Variants in DCAF10 observed in about 807,000 individuals in gnomAD.
DCAF10 encodes DDB1 and CUL4 associated factor 10.
In DCAF10, 19 loss-of-function variants were observed where a neutral mutation model predicts 51.9. The observed-to-expected ratio is 0.37, with a 90% CI of 0.26 to 0.54. DCAF10 has a LOEUF of 0.54. DCAF10 is among the 20% of genes least tolerant of loss of function. DCAF10 has a pLI of 0.87. For missense variants in DCAF10, 510 were observed against 730.6 expected (o/e 0.70, Z 3.48); for synonymous variants, 291 against 297.1 (o/e 0.98, Z 0.21).
chr9:37,865,457 TAA>T lies in DCAF10; in HGVS notation c.*3950_*3951del, dbSNP rs983440719. On this transcript the variant is annotated 3_prime_UTR_variant, in exon 7 of 7. Coordinates refer to ENST00000377724, the MANE Select transcript of DCAF10 (RefSeq NM_024345.5). ...TAACATTTCAAAGCCCCATTTCACT[TAA>T]GAGTAAAATCTAATCTGATGTTTTT... The T allele has an allele frequency of 1.3e-5, 2 of 152,346 alleles. No individual in the cohort carries two copies. The highest frequency in any genetic ancestry group is 4.8e-5 in the African/African-American group (2 of 41,590). 9.4% of individuals were successfully genotyped at this position (152,346 alleles called of 1,614,324 possible).
intron 2 of DCAF10, among the ~76,000 whole-genome samples, chr9:37,822,000 A>G (rs1829716978): frequency 1.3e-5 from 2 of 152,240 alleles, no homozygotes; most frequent in African/African-American, 4.8e-5. Context: ...CATATGACCA[A>G]CAAACATATG....
intron 2 of DCAF10, among the ~76,000 whole-genome samples, chr9:37,834,793 A>T (rs1589098469): frequency 1.5e-5 from 2 of 129,210 alleles, no homozygotes; most frequent in Non-Finnish European, 3.3e-5. Flanking sequence ...TCAATCACGT[A>T]CTTTTTTTTT....
intron 3 of DCAF10, among the ~76,000 whole-genome samples, chr9:37,845,532 G>T (rs1349788731): frequency 6.6e-6 from 1 of 152,144 alleles, no homozygotes; most frequent in Non-Finnish European, 1.5e-5. Context: ...ACCTGAAATA[G>T]ACCTATTACT....
Position 37,846,920 on chromosome 9 carries a change from C to T in DCAF10, c.851+4634C>T, listed in dbSNP as rs114667678. Among the ~76,000 whole-genome samples, 562 of 152,188 alleles carry T rather than the reference C, an allele frequency of 3.7e-3. 5 individuals carry two copies. Among genetic ancestry groups the T allele is most frequent in the African/African-American group, 0.013 (544 of 41,538 alleles). ...TTTTCCAACTCATGCTTTGAGTCTA[C>T]TATTATCCTGATACCAAAACCAGAC... On this transcript the variant is annotated intron_variant, in intron 3 of 6. Transcript: ENST00000377724.
intron 6 of DCAF10, 133 bp downstream of exon 6, chr9:37,860,326 G>A (rs1035062599): frequency 6.9e-5 from 80 of 1,158,390 alleles, no homozygotes; most frequent in South Asian, 5.8e-4. Context: ...CCTGCTTCTC[G>A]ACTCTCCTGT....
At chr9:37,848,487 G>A (rs570057554) in intron 3 of DCAF10, among the ~76,000 whole-genome samples, 8 of 152,292 alleles carry the variant, frequency 5.3e-5, no homozygotes, top group Admixed American at 2.6e-4. Flanking sequence ...CTTACTGTAC[G>A]ATTCTATTTA....
At chr9:37,852,951 T>C (rs1830719400) in intron 3 of DCAF10, among the ~76,000 whole-genome samples, 1 of 101,144 alleles carries the variant, frequency 9.9e-6, no homozygotes, top group South Asian at 2.5e-4. Flanking sequence ...TATATATATA[T>C]ATATATATAT....
At chr9:37,849,975 C>G (rs1370663060) in intron 3 of DCAF10, among the ~76,000 whole-genome samples, 1 of 151,940 alleles carries the variant, frequency 6.6e-6, no homozygotes, top group Non-Finnish European at 1.5e-5. Context: ...AGGAGGACCC[C>G]TTGAGCCCAG....
At chr9:37,838,858 ACT>A (rs1241436807) in intron 2 of DCAF10, among the ~76,000 whole-genome samples, 1 of 150,166 alleles carries the variant, frequency 6.7e-6, no homozygotes, top group Admixed American at 6.7e-5. Flanking sequence ...ATAAAGCGTG[ACT>A]CTGTCTCCAA....
At chr9:37,848,256 CAA>C (rs555126879) in intron 3 of DCAF10, among the ~76,000 whole-genome samples, 2 of 152,114 alleles carry the variant, frequency 1.3e-5, no homozygotes, top group African/African-American at 4.8e-5. Flanking sequence ...TATGGCCACA[CAA>C]AGACTTGTAC....
intron 2 of DCAF10, among the ~76,000 whole-genome samples, chr9:37,840,087 G>C (rs1356628666): frequency 6.6e-6 from 1 of 152,172 alleles, no homozygotes; most frequent in Admixed American, 6.5e-5. Context: ...AACAAGGAAG[G>C]CTTCCTGGAG....
chr9:37,851,259 TACC>T (rs1270188160), intron 3 of DCAF10, among the ~76,000 whole-genome samples: 1 of 151,896 alleles, frequency 6.6e-6, no homozygotes, highest in Non-Finnish European at 1.5e-5. Flanking sequence ...CATAGTTTAC[TACC>T]ACCCTGTCCT....
chr9:37,856,086 G>A (rs1184485141), intron 4 of DCAF10, among the ~76,000 whole-genome samples: 2 of 152,074 alleles, frequency 1.3e-5, no homozygotes, highest in African/African-American at 4.8e-5. Flanking sequence ...GGCAGGTTGA[G>A]GCAGCAGTGA....
chr9:37,831,667 A>G (rs1056791797), intron 2 of DCAF10, among the ~76,000 whole-genome samples: 2 of 152,252 alleles, frequency 1.3e-5, no homozygotes, highest in African/African-American at 4.8e-5. Context: ...GTTACGGACA[A>G]TATTTTCTAT....
intron 5 of DCAF10, among the ~76,000 whole-genome samples, chr9:37,857,670 G>A (rs1260357857): frequency 6.6e-6 from 1 of 152,084 alleles, no homozygotes; most frequent in Non-Finnish European, 1.5e-5. Context: ...GATTATGCAC[G>A]TGAAAGCTCT....
In DCAF10 at chr9:37,801,429, G is replaced by A. The variant is rs1249555283; in HGVS notation, c.539+24G>A. 4 of 1,423,344 alleles carry A rather than the reference G, an allele frequency of 2.8e-6. No homozygotes were observed. The highest frequency in any genetic ancestry group is 2.8e-6 in the Non-Finnish European group (3 of 1,086,930). The allele number at this position is 1,423,344 out of a possible 1,614,324, so 88.2% of individuals were successfully genotyped here. On this transcript the variant is annotated intron_variant, in intron 1 of 6. Transcript: ENST00000377724. This position sits in a 1 kb window ranked among gnomAD's most constrained non-coding sequence, Gnocchi z 5.5. ...GGGTAAGCGCGGCCCCTCGGAGGGC[G>A]GGCGCCCGCCTCCGCCCGGCTCTGC...
intron 1 of DCAF10, among the ~76,000 whole-genome samples, chr9:37,812,204 A>G (rs1216112329): frequency 6.6e-6 from 1 of 152,132 alleles, no homozygotes; most frequent in Non-Finnish European, 1.5e-5. Flanking sequence ...AACAAAAAAA[A>G]AACCTTCCAA....
intron 3 of DCAF10, among the ~76,000 whole-genome samples, chr9:37,844,599 C>T (rs1169097836): frequency 6.6e-6 from 1 of 152,090 alleles, no homozygotes; most frequent in Non-Finnish European, 1.5e-5. Flanking sequence ...TGCCGTGAGC[C>T]GAGGTTGTGC....
At chr9:37,849,322 C>T (rs910082648) in intron 3 of DCAF10, among the ~76,000 whole-genome samples, 1 of 152,114 alleles carries the variant, frequency 6.6e-6, no homozygotes, top group African/African-American at 2.4e-5. Flanking sequence ...ATATATCAGG[C>T]GTTGGCAAAC....
Sources: allele counts gnomAD v4.1 joint callset (sites outside exome capture counted in the v4.1 genomes callset), GRCh38; gene constraint gnomAD v4.1.1; non-coding constraint Gnocchi (gnomAD v3.1); transcripts MANE v1.5; gene names NCBI Gene and HGNC (gene_info 2026-07-23, HGNC 2026-07-21).